The following ZNF304 variants were observed in gnomAD, a reference collection of about 807,000 sequenced individuals.
The protein encoded by ZNF304 is zinc finger protein 304, also known as KRAB-containing zinc finger protein.
ZNF304 carries 7 observed loss-of-function variants against 7.8 expected under a neutral mutation model. The observed-to-expected ratio is 0.90, with a 90% CI of 0.51 to 1.69. The LOEUF is 1.69. Among genes scored for constraint, ZNF304 ranks in the 40% most tolerant of loss-of-function variants. The pLI, the probability that ZNF304 is intolerant of heterozygous loss-of-function variation, is 0.00. For synonymous variants in ZNF304, 280 were observed against 272.4 expected (o/e 1.03, Z -0.27); for missense variants, 669 against 804.8 (o/e 0.83, Z 2.04).
rs1004310465 is a variant in ZNF304 at position 57,358,211 on chromosome 19, G to C, written c.*362G>C. 1.3e-4 allele frequency: 23 copies of C among 180,054 alleles called. No homozygotes were observed. Among genetic ancestry groups the C allele is most frequent in the African/African-American group, 4.8e-4 (20 of 41,930 alleles). 11.2% of individuals were successfully genotyped at this position (180,054 alleles called of 1,614,324 possible). ...GTGCTTTCTTTCCTGTTCCCTACAGGTAATCATGAATATTTTCAAGGACTT... is the reference window on the plus strand; with the variant it reads ...GTGCTTTCTTTCCTGTTCCCTACAGCTAATCATGAATATTTTCAAGGACTT... On this transcript the variant is annotated 3_prime_UTR_variant, in exon 3 of 3. Coordinates refer to ENST00000282286, the MANE Select transcript of ZNF304 (RefSeq NM_020657.4).
intron 2 of ZNF304, 87 bp from the exon 3 acceptor site, chr19:57,355,943 G>T: frequency 1.4e-6 from 2 of 1,425,972 alleles, no homozygotes; most frequent in Non-Finnish European, 1.9e-6. Flanking sequence ...CAGTGGACTC[G>T]CACTGGTGTT....
At chr19:57,352,068 TC>T in intron 1 of ZNF304, 1 of 238,532 alleles carries the variant, frequency 4.2e-6, no homozygotes, top group Non-Finnish European at 8.2e-6. Flanking sequence ...CTTAAAAGGC[TC>T]CCTCTGGCTG....
intron 2 of ZNF304, among the ~76,000 whole-genome samples, chr19:57,355,702 G>T (rs544954966): frequency 2.0e-5 from 3 of 152,232 alleles, no homozygotes; most frequent in Admixed American, 1.3e-4. Flanking sequence ...AGATTTTCGT[G>T]GGCATGGACA....
At position 57,356,989 on chromosome 19, in the gene ZNF304, C is replaced by T. The variant is rs1323970514; in HGVS notation, c.1120C>T (p.Arg374Cys). The T allele has an allele frequency of 8.1e-6, 13 of 1,605,618 alleles. No individual in the cohort carries two copies. The highest frequency in any genetic ancestry group is 3.3e-5 in the Admixed American group (2 of 59,770). Residue 374 changes from arginine (R) to cysteine (C), a missense_variant, in exon 3 of 3, where the codon CGT becomes TGT. By Grantham distance (180) the Arg-to-Cys change is radical. Transcript: ENST00000282286. ...CAACAAATGTGGGAAAGCCTTTAGCCGTAAAGACACACTTGTTCAGCACCA... is the reference window on the plus strand; with the variant it reads ...CAACAAATGTGGGAAAGCCTTTAGCTGTAAAGACACACTTGTTCAGCACCA... ...KCNKCGKAFS[R>C]KDTLVQHQRF...
intron 2 of ZNF304, among the ~76,000 whole-genome samples, chr19:57,354,181 C>A (rs2088309288): frequency 6.6e-6 from 1 of 151,940 alleles, no homozygotes; most frequent in Non-Finnish European, 1.5e-5. Context: ...GGCTATTTTA[C>A]TTTTTGTAGA....
At chr19:57,355,143 C>A in intron 2 of ZNF304, 1 of 677,564 alleles carries the variant, frequency 1.5e-6, no homozygotes, top group Admixed American at 2.1e-5. Flanking sequence ...CTGACACAGT[C>A]ACTTCTTGTG....
intron 2 of ZNF304, among the ~76,000 whole-genome samples, chr19:57,354,751 C>T (rs1288656086): frequency 1.3e-5 from 2 of 152,172 alleles, no homozygotes; most frequent in Admixed American, 1.3e-4. Context: ...GGCTGTGTTC[C>T]ACAGGCCTTT....
chr19:57,354,052 A>G (rs1028171867), intron 2 of ZNF304, among the ~76,000 whole-genome samples: 1 of 151,546 alleles, frequency 6.6e-6, no homozygotes, highest in Non-Finnish European at 1.5e-5. Context: ...TCTGTCACCC[A>G]GGCTACAGTG....
rs1051726557 is a variant in ZNF304 at position 57,358,196 on chromosome 19, TC to T, written c.*349del. On this transcript the variant is annotated 3_prime_UTR_variant, in exon 3 of 3. Coordinates refer to ENST00000282286, the MANE Select transcript of ZNF304 (RefSeq NM_020657.4). ...GGAAGGCAGACTTCTGTGCTTTCTT[TC>T]CTGTTCCCTACAGGTAATCATGAAT... 1 of 209,980 alleles carries T rather than the reference TC, an allele frequency of 4.8e-6. No individual in the cohort carries two copies. Among genetic ancestry groups the T allele is most frequent in the African/African-American group, 2.3e-5 (1 of 43,368 alleles). 13.0% of individuals were successfully genotyped at this position (209,980 alleles called of 1,614,324 possible). A position where few individuals can be genotyped will look rare whatever the true frequency, so the allele number is the denominator to read the frequency against.
Position 57,351,948 on chromosome 19 carries a change from G to A in ZNF304, c.33+251G>A, listed in dbSNP as rs1164384808. On this transcript the variant is annotated intron_variant, in intron 1 of 2. Transcript: ENST00000282286. The surrounding 1 kb of genome is among the most constrained non-coding windows in gnomAD (Gnocchi z 4.1). ...GTGCCTGGTGAGAACAGGGACTAGG[G>A]GGTCAGAGGTAGGCCTGGAATGGCC... is the stretch of plus-strand genomic sequence containing the variant. 5 of 469,472 alleles carry A rather than the reference G, an allele frequency of 1.1e-5. No individual in the cohort carries two copies. Among genetic ancestry groups the A allele is most frequent in the Non-Finnish European group, 1.9e-5 (5 of 266,394 alleles). 29.1% of individuals were successfully genotyped at this position (469,472 alleles called of 1,614,324 possible).
At chr19:57,352,655 G>A (rs2088289548) in intron 1 of ZNF304, 2 of 152,318 alleles carry the variant, frequency 1.3e-5, no homozygotes, top group South Asian at 4.1e-4. Flanking sequence ...TGGCTTTCAG[G>A]TTGAGAACAG....
intron 2 of ZNF304, chr19:57,355,385 GC>G (rs768171833): frequency 1.3e-6 from 1 of 764,770 alleles, no homozygotes; most frequent in Non-Finnish European, 2.4e-6. Flanking sequence ...AGAGGGCATG[GC>G]CCTGCTGAAT....
chr19:57,352,361 A>G (rs184713418), intron 1 of ZNF304, among the ~76,000 whole-genome samples: 219 of 152,308 alleles, frequency 1.4e-3, no homozygotes, highest in Non-Finnish European at 2.6e-3. Flanking sequence ...AATCCAGGCC[A>G]TGAGTTGTAT....
chr19:57,357,396 TA>T lies in ZNF304; in HGVS notation c.1530del (p.Lys510AsnfsTer143). The T allele has an allele frequency of 6.2e-7, 1 of 1,612,384 alleles. No individual in the cohort carries two copies. The highest frequency in any genetic ancestry group is 8.5e-7 in the Non-Finnish European group (1 of 1,179,652). ...ERPYECGECG[K>X]FFSHSSNLIV... is the part of the protein sequence containing the mutation. Reference sequence around the variant, plus strand: ...GGCCTTATGAGTGTGGTGAATGTGGTAAATTCTTCAGCCATAGCTCCAACCT... The same window carrying T: ...GGCCTTATGAGTGTGGTGAATGTGGTAATTCTTCAGCCATAGCTCCAACCT... On this transcript the variant is annotated frameshift_variant, in exon 3 of 3. Coordinates refer to ENST00000282286, the MANE Select transcript of ZNF304 (RefSeq NM_020657.4). LOFTEE classifies it low-confidence loss of function (END_TRUNC).
At position 57,351,881 on chromosome 19, in the gene ZNF304, C is replaced by A; in HGVS notation, c.33+184C>A. 1 of 585,488 alleles carries A rather than the reference C, an allele frequency of 1.7e-6. No homozygotes were observed. Among genetic ancestry groups the A allele is most frequent in the Non-Finnish European group, 2.9e-6 (1 of 342,038 alleles). The allele number at this position is 585,488 out of a possible 1,614,324, so 36.3% of individuals were successfully genotyped here. A position where few individuals can be genotyped will look rare whatever the true frequency, so the allele number is the denominator to read the frequency against. Reference sequence around the variant, plus strand: ...CAGGGGCAGTTCGTACAAATGCATGCATGGAGAGGAGAATGAGTTTGGGGA... The same window carrying A: ...CAGGGGCAGTTCGTACAAATGCATGAATGGAGAGGAGAATGAGTTTGGGGA... On this transcript the variant is annotated intron_variant, in intron 1 of 2. Transcript: ENST00000282286. This position sits in a 1 kb window ranked among gnomAD's most constrained non-coding sequence, Gnocchi z 4.1.
At position 57,353,845 on chromosome 19, in the gene ZNF304, A is replaced by T. The variant is rs1278962266; in HGVS notation, c.154A>T (p.Thr52Ser). 2.5e-6 allele frequency: 4 copies of T among 1,601,428 alleles called. No homozygotes were observed. The highest frequency in any genetic ancestry group is 3.4e-5 in the Admixed American group (2 of 58,362). Residue 52 changes from threonine (T) to serine (S), a missense_variant, in exon 2 of 3, where the codon ACA becomes TCA. By Grantham distance (58) the Thr-to-Ser change is moderately conservative. Coordinates refer to ENST00000282286, the MANE Select transcript of ZNF304 (RefSeq NM_020657.4). ...GCTGGAGAACTTTGCACTTGTGGCTACACTAGGTAAGTCTGTGTTTTAGTT... is the reference window on the plus strand; with the variant it reads ...GCTGGAGAACTTTGCACTTGTGGCTTCACTAGGTAAGTCTGTGTTTTAGTT... ...VMLENFALVA[T>S]LGFWCEAEHE...
Position 57,356,283 on chromosome 19 carries a change from A to C in ZNF304, c.414A>C (p.Gln138His). Residue 138 changes from glutamine to histidine, a missense_variant, in exon 3 of 3, where the codon CAA (glutamine) becomes CAC (histidine). Coordinates refer to ENST00000282286, the MANE Select transcript of ZNF304 (RefSeq NM_020657.4). ...FSANFYQHQK[Q>H]HNGENCFRGD... Reference sequence around the variant, plus strand: ...CAAACTTTTACCAGCACCAGAAGCAACATAATGGAGAGAATTGCTTCAGAG... The same window carrying C: ...CAAACTTTTACCAGCACCAGAAGCACCATAATGGAGAGAATTGCTTCAGAG... The C allele has an allele frequency of 6.2e-7, 1 of 1,614,242 alleles. No individual in the cohort carries two copies. The highest frequency in any genetic ancestry group is 1.1e-5 in the South Asian group (1 of 91,088).
At position 57,351,873 on chromosome 19, in the gene ZNF304, A is replaced by G; in HGVS notation, c.33+176A>G. ...CGAAGGCGCAGGGGCAGTTCGTACA[A>G]ATGCATGCATGGAGAGGAGAATGAG... On this transcript the variant is annotated intron_variant, in intron 1 of 2. Transcript: ENST00000282286. This position sits in a 1 kb window ranked among gnomAD's most constrained non-coding sequence, Gnocchi z 4.1. 1 of 609,832 alleles carries G rather than the reference A, an allele frequency of 1.6e-6. No homozygotes were observed. Among genetic ancestry groups the G allele is most frequent in the Non-Finnish European group, 2.8e-6 (1 of 360,430 alleles). 37.8% of individuals were successfully genotyped at this position (609,832 alleles called of 1,614,324 possible).
In ZNF304 at chr19:57,356,923, C is replaced by T; in HGVS notation, c.1054C>T (p.Gln352Ter). The change falls in exon 3 of 3, where the codon CAG (glutamine) becomes TAG (stop). Residue 352 changes from glutamine (Q) to a stop codon, truncating the protein, a stop_gained. Transcript: ENST00000282286. LOFTEE classifies it low-confidence loss of function (END_TRUNC). ...KAYSRSSHLV[Q>*]HQRIHTGERP... ...CTACAGCAGAAGCTCCCACCTTGTT[C>T]AGCACCAGAGAATTCACACAGGAGA... 1 of 1,614,038 alleles carries T rather than the reference C, an allele frequency of 6.2e-7. No individual in the cohort carries two copies. Among genetic ancestry groups the T allele is most frequent in the Non-Finnish European group, 8.5e-7 (1 of 1,180,016 alleles).
Sources: gnomAD v4.1 joint callset for allele counts (sites outside exome capture counted in the v4.1 genomes callset) on GRCh38, gnomAD v4.1.1 for gene constraint, Gnocchi (gnomAD v3.1) non-coding constraint, MANE v1.5 for transcripts, NCBI Gene and HGNC (gene_info 2026-07-23, HGNC 2026-07-21) for gene names.